PIKFYVE: variants seen among roughly 807,000 people sequenced by gnomAD.
PIKFYVE encodes the protein 1-phosphatidylinositol 3-phosphate 5-kinase.
Under a neutral mutation model 257.9 loss-of-function variants are expected in PIKFYVE, and 122 were observed. The ratio of observed to expected loss-of-function variants is 0.47; its 90% CI spans 0.41 to 0.55. The LOEUF (loss-of-function observed/expected upper bound fraction) is 0.55. PIKFYVE is among the 20% of genes least tolerant of loss of function. The pLI is 0.00. For synonymous variants in PIKFYVE, 892 were observed against 868.9 expected (o/e 1.03, Z -0.47); for missense variants, 2,160 against 2,536.6 (o/e 0.85, Z 3.19).
rs1046395711 is a variant in PIKFYVE at position 208,349,946 on chromosome 2, T to G, written c.5375-78T>G. Reference sequence around the variant, plus strand: ...TAATTTGCTAAGTTTTTTTGTTACATCAAGGAAAAAGGAAAGGACAAAATG... The same window carrying G: ...TAATTTGCTAAGTTTTTTTGTTACAGCAAGGAAAAAGGAAAGGACAAAATG... On this transcript the variant is annotated intron_variant, in intron 35 of 41. Coordinates refer to ENST00000264380, the MANE Select transcript of PIKFYVE (RefSeq NM_015040.4). 398 of 1,574,470 alleles carry G rather than the reference T, an allele frequency of 2.5e-4. 1 individual carries two copies. The highest frequency in any genetic ancestry group is 3.3e-4 in the Non-Finnish European group (384 of 1,159,260).
intron 12 of PIKFYVE, among the ~76,000 whole-genome samples, chr2:208,309,621 T>C (rs1253180782): frequency 1.3e-5 from 2 of 152,228 alleles, no homozygotes; most frequent in African/African-American, 4.8e-5. Flanking sequence ...AAAGACGTGG[T>C]GTTTCCTTTA....
intron 12 of PIKFYVE, among the ~76,000 whole-genome samples, chr2:208,305,857 T>G (rs1427679563): frequency 2.6e-5 from 4 of 152,186 alleles, no homozygotes; most frequent in African/African-American, 9.7e-5. Flanking sequence ...TGAAAAATCA[T>G]TATTATAAAG....
Position 208,347,915 on chromosome 2 carries a change from G to T in PIKFYVE, c.5266G>T (p.Asp1756Tyr). The T allele has an allele frequency of 6.2e-7, 1 of 1,613,868 alleles. No individual in the cohort carries two copies. The highest frequency in any genetic ancestry group is 8.5e-7 in the Non-Finnish European group (1 of 1,179,806). ...CAGAGGGACAGCAGGGAAAAGCCCC[G>T]ATCTCTCTTCCCAGAAGAGAGAGAC... The part of the protein sequence containing the change: ...FFRGTAGKSP[D>Y]LSSQKRETLR... Residue 1756 changes from aspartate to tyrosine, a missense_variant, in exon 35 of 42, where the codon GAT (aspartate) becomes TAT (tyrosine). By Grantham distance (160) the Asp-to-Tyr change is radical (BLOSUM62 -3). Around this residue, in one of 12 missense-constraint regions of PIKFYVE, gnomAD observed 699 missense variants for 855.8 expected, o/e 0.82. Coordinates refer to ENST00000264380, the MANE Select transcript of PIKFYVE (RefSeq NM_015040.4).
intron 5 of PIKFYVE, among the ~76,000 whole-genome samples, chr2:208,280,998 T>C (rs1690734243): frequency 1.3e-5 from 2 of 152,188 alleles, no homozygotes; most frequent in Admixed American, 6.5e-5. Context: ...TGCATTTAGG[T>C]TTCCTGACCC....
chr2:208,329,359 G>C (rs927475464), intron 21 of PIKFYVE, among the ~76,000 whole-genome samples: 1 of 152,148 alleles, frequency 6.6e-6, no homozygotes, highest in Non-Finnish European at 1.5e-5. Flanking sequence ...ATAGGTCAAG[G>C]CTTGAATAAG....
At chr2:208,314,267 T>G (rs1243415916) in intron 13 of PIKFYVE, 27 bp from the exon 14 acceptor site, 1 of 1,603,520 alleles carries the variant, frequency 6.2e-7, no homozygotes, top group East Asian at 2.2e-5. Flanking sequence ...AATGAAGTAA[T>G]AACTTCTTAT....
At chr2:208,345,342 C>T in intron 33 of PIKFYVE, 148 bp downstream of exon 33, 1 of 704,982 alleles carries the variant, frequency 1.4e-6, no homozygotes, top group Non-Finnish European at 2.5e-6. Flanking sequence ...ATAATTGAGA[C>T]AACAAAGCTC....
At chr2:208,337,013 T>G (rs772348895) in intron 28 of PIKFYVE, 85 bp downstream of exon 28, 23 of 1,085,856 alleles carry the variant, frequency 2.1e-5, no homozygotes, top group Non-Finnish European at 3.0e-5. Flanking sequence ...GATAGTTTAA[T>G]ATGTACTTTA....
intron 16 of PIKFYVE, among the ~76,000 whole-genome samples, chr2:208,319,418 A>G (rs898838181): frequency 6.6e-6 from 1 of 152,222 alleles, no homozygotes; most frequent in African/African-American, 2.4e-5. Context: ...AAATTAAATG[A>G]TATTTGTTGA....
chr2:208,279,179 T>C (rs2125076151), intron 5 of PIKFYVE, among the ~76,000 whole-genome samples: 1 of 152,310 alleles, frequency 6.6e-6, no homozygotes, highest in South Asian at 2.1e-4. Context: ...TTTTTCATGT[T>C]TGTTGGCCAC....
In PIKFYVE at chr2:208,298,742, G is replaced by A. The variant is rs776074837; in HGVS notation, c.1013G>A (p.Arg338Lys). The part of the protein sequence containing the change: ...VSPQANRTYV[R>K]TETTEDERKI... ...CCCCAGGCTAACCGAACATATGTTA[G>A]GACAGAGACCACTGAGGATGAACGC... Residue 338 changes from arginine (R) to lysine (K), a missense_variant, in exon 8 of 42, where the codon AGG becomes AAG. Arg to Lys is a conservative substitution (Grantham distance 26). Coordinates refer to ENST00000264380, the MANE Select transcript of PIKFYVE (RefSeq NM_015040.4). 6.2e-7 allele frequency: 1 copy of A among 1,614,130 alleles called. No homozygotes were observed. The highest frequency in any genetic ancestry group is 8.5e-7 in the Non-Finnish European group (1 of 1,180,012).
At chr2:208,318,632 A>G (rs918637743) in intron 16 of PIKFYVE, among the ~76,000 whole-genome samples, 1 of 152,174 alleles carries the variant, frequency 6.6e-6, no homozygotes, top group Admixed American at 6.5e-5. Context: ...GTTAAGGGCA[A>G]TGGGAGTGTA....
In PIKFYVE at chr2:208,277,644, T is replaced by C; in HGVS notation, c.549T>C (p.Cys183=). The change falls in exon 5 of 42, where the codon TGT becomes TGC. Residue 183 remains cysteine (C), a synonymous_variant. Transcript: ENST00000264380. The part of the protein sequence containing the change: ...TFRRRHHCRL[C]GQIFCSRCCN... ...GGCGCAGACACCATTGCCGACTATG[T>C]GGGCAGATTTTCTGCAGTCGTTGCT... The C allele has an allele frequency of 1.2e-6, 2 of 1,613,956 alleles. No homozygotes were observed. The highest frequency in any genetic ancestry group is 1.3e-5 in the African/African-American group (1 of 75,036).
At chr2:208,286,549 T>C (rs1053671517) in intron 6 of PIKFYVE, among the ~76,000 whole-genome samples, 1 of 152,154 alleles carries the variant, frequency 6.6e-6, no homozygotes, top group Non-Finnish European at 1.5e-5. Flanking sequence ...TTATTAGTTA[T>C]TATTTTTGAG....
intron 35 of PIKFYVE, among the ~76,000 whole-genome samples, chr2:208,349,212 T>G (rs897413701): frequency 2.0e-5 from 3 of 152,168 alleles, no homozygotes; most frequent in African/African-American, 7.2e-5. Flanking sequence ...GTAATTAAGA[T>G]ATCTGTTTAG....
intron 7 of PIKFYVE, among the ~76,000 whole-genome samples, chr2:208,297,868 T>C (rs1478218299): frequency 1.3e-5 from 2 of 150,000 alleles, no homozygotes; most frequent in African/African-American, 4.8e-5. Flanking sequence ...CTAAGTCATT[T>C]GTTTGGTAAC....
chr2:208,288,730 T>C lies in PIKFYVE; in HGVS notation c.823T>C (p.Leu275=). 1 of 1,613,978 alleles carries C rather than the reference T, an allele frequency of 6.2e-7. No individual in the cohort carries two copies. The highest frequency in any genetic ancestry group is 8.5e-7 in the Non-Finnish European group (1 of 1,179,926). ...AGTATTTTCCTATTTTCTTTATAGT[T>C]TGATTCATCCAGATTCCTCAAATAC... ...FLEDDLAWQS[L]IHPDSSNTPL... Residue 275 remains leucine (L), a splice_region_variant and synonymous_variant, in exon 7 of 42, where the codon TTG becomes CTG. Coordinates refer to ENST00000264380, the MANE Select transcript of PIKFYVE (RefSeq NM_015040.4).
chr2:208,298,206 C>G (rs1052041201), intron 7 of PIKFYVE, among the ~76,000 whole-genome samples: 10 of 152,022 alleles, frequency 6.6e-5, no homozygotes, highest in African/African-American at 1.5e-4. Context: ...CTCTGATCTG[C>G]AAGATTATTT....
At chr2:208,291,927 T>G (rs1692366060) in intron 7 of PIKFYVE, among the ~76,000 whole-genome samples, 1 of 152,132 alleles carries the variant, frequency 6.6e-6, no homozygotes, top group Admixed American at 6.5e-5. Flanking sequence ...ATGTATGCGC[T>G]TCGTGCTATG....
Sources: allele counts gnomAD v4.1 joint callset (sites outside exome capture counted in the v4.1 genomes callset), GRCh38; gene constraint gnomAD v4.1.1; regional missense constraint gnomAD v4.1.1; transcripts MANE v1.5; gene names NCBI Gene and HGNC (gene_info 2026-07-23, HGNC 2026-07-21).